TBC1D19: variants seen among roughly 807,000 people sequenced by gnomAD.
TBC1D19 encodes the protein TBC1 domain family, member 19.
In TBC1D19, 60 loss-of-function variants were observed where a neutral mutation model predicts 89.0. The observed-to-expected ratio is 0.67, with a 90% CI of 0.55 to 0.84. The LOEUF (loss-of-function observed/expected upper bound fraction) is 0.84, where lower values mean the gene tolerates loss of function less well. Among genes scored for constraint, TBC1D19 ranks in the 40% least tolerant of loss-of-function variants. The pLI, the probability that TBC1D19 is intolerant of heterozygous loss-of-function variation, is 0.00. For missense variants in TBC1D19, 500 were observed against 610.8 expected (o/e 0.82, Z 1.91); for synonymous variants, 189 against 199.7 (o/e 0.95, Z 0.45).
At chr4:26,659,984 T>C (rs1745121631) in intron 8 of TBC1D19, among the ~76,000 whole-genome samples, 2 of 152,180 alleles carry the variant, frequency 1.3e-5, no homozygotes, top group Admixed American at 1.3e-4. Context: ...GATTGAGTTG[T>C]CTGCTGGATG....
intron 4 of TBC1D19, among the ~76,000 whole-genome samples, chr4:26,624,292 A>G (rs1742248000): frequency 6.6e-6 from 1 of 152,178 alleles, no homozygotes; most frequent in Non-Finnish European, 1.5e-5. Flanking sequence ...GTTGAAAGGG[A>G]TCTCTCTCTT....
chr4:26,775,812 T>C, the TBC1D19 span, among the ~76,000 whole-genome samples: 2 of 152,132 alleles, frequency 1.3e-5, no homozygotes, highest in African/African-American at 4.8e-5. Context: ...ATTTGTCAGT[T>C]TTCAAGGCAA....
intron 13 of TBC1D19, among the ~76,000 whole-genome samples, chr4:26,691,220 T>A (rs1714252499): frequency 6.6e-6 from 1 of 152,204 alleles, no homozygotes; most frequent in African/African-American, 2.4e-5. Context: ...AGTTGCTTCT[T>A]GAGGATAAAC....
At chr4:26,695,480 C>A (rs944713210) in intron 13 of TBC1D19, among the ~76,000 whole-genome samples, 4 of 152,004 alleles carry the variant, frequency 2.6e-5, no homozygotes, top group African/African-American at 4.8e-5. Context: ...CAAGGCAGGC[C>A]AACATTCAAA....
intron 11 of TBC1D19, among the ~76,000 whole-genome samples, chr4:26,676,426 A>G (rs1248365574): frequency 6.6e-6 from 1 of 152,234 alleles, no homozygotes; most frequent in Non-Finnish European, 1.5e-5. Context: ...CTTAAATGGA[A>G]GAAATGTCAG....
Position 26,614,411 on chromosome 4 carries a change from G to A in TBC1D19, c.176G>A (p.Trp59Ter). 1 of 1,587,570 alleles carries A rather than the reference G, an allele frequency of 6.3e-7. No individual in the cohort carries two copies. The highest frequency in any genetic ancestry group is 1.3e-5 in the African/African-American group (1 of 74,412). Residue 59 changes from tryptophan to a stop codon, truncating the protein, a stop_gained, in exon 3 of 21, where the codon TGG (tryptophan) becomes TAG (stop). Transcript: ENST00000264866. LOFTEE classifies it high-confidence loss of function. ...TTATTCTTTTTTTAAAAAACAGGTT[G>A]GGAGAAGAAACTTCAGAATGCTGTT... is the stretch of plus-strand genomic sequence containing the variant. ...DIKEFFKISGWEKKLQNAVYS... is the reference protein window; with the variant it reads ...DIKEFFKISG
chr4:26,857,497 C>G, the TBC1D19 span, among the ~76,000 whole-genome samples: 1 of 152,262 alleles, frequency 6.6e-6, no homozygotes, highest in Non-Finnish European at 1.5e-5. Context: ...ACTACCGCCC[C>G]ACGTCCACCA....
At chr4:26,736,126 G>A (rs1343626393) in intron 16 of TBC1D19, among the ~76,000 whole-genome samples, 1 of 35,118 alleles carries the variant, frequency 2.8e-5, no homozygotes, top group Non-Finnish European at 1.9e-4. Context: ...ATTCACAATA[G>A]CAAAGACTTG....
chr4:26,626,561 G>A (rs948707073), intron 4 of TBC1D19, among the ~76,000 whole-genome samples: 1 of 152,062 alleles, frequency 6.6e-6, no homozygotes, highest in Non-Finnish European at 1.5e-5. Flanking sequence ...TTTGAACCTG[G>A]TCAGCCTGGC....
Position 26,721,604 on chromosome 4 carries a change from T to C in TBC1D19, c.1084+1479T>C, listed in dbSNP as rs1716980307. 2.6e-5 allele frequency among the ~76,000 whole-genome samples: 4 copies of C among 152,142 alleles called. 1 individual carries two copies. In the South Asian group the frequency reaches 8.3e-4, roughly 31 times the overall value. ...GCTCATTTGAGTTATACATCTAAAG[T>C]GAAAATCTGCAAATTGCCATTTTTC... On this transcript the variant is annotated intron_variant, in intron 15 of 20. Transcript: ENST00000264866.
intron 7 of TBC1D19, among the ~76,000 whole-genome samples, chr4:26,642,626 C>G (rs1743624135): frequency 6.6e-6 from 1 of 152,166 alleles, no homozygotes; most frequent in African/African-American, 2.4e-5. Context: ...TTAAAAGACA[C>G]AGACTGGCAA....
intron 10 of TBC1D19, 59 bp from the exon 11 acceptor site, chr4:26,673,717 T>G: frequency 9.4e-7 from 1 of 1,062,302 alleles, no homozygotes; most frequent in Non-Finnish European, 1.4e-6. Flanking sequence ...AATTGAAGAT[T>G]TCAGTGATGT....
the TBC1D19 span, among the ~76,000 whole-genome samples, chr4:26,765,574 G>A: frequency 0.86 from 130,944 of 151,988 alleles, 59,581 homozygotes; most frequent in Non-Finnish European, 1. Context: ...GATAAGGAGT[G>A]GAATAAACGG....
At chr4:26,611,537 C>T (rs1401305498) in intron 1 of TBC1D19, among the ~76,000 whole-genome samples, 1 of 152,092 alleles carries the variant, frequency 6.6e-6, no homozygotes, top group African/African-American at 2.4e-5. Context: ...CTGACAATAG[C>T]AGTAGAGTGT....
intron 19 of TBC1D19, among the ~76,000 whole-genome samples, chr4:26,750,328 C>T (rs944570979): frequency 1.3e-5 from 2 of 152,102 alleles, no homozygotes; most frequent in East Asian, 3.8e-4. Context: ...CTTTCTGTAT[C>T]ATTTTAAAGA....
chr4:26,638,711 A>G, intron 5 of TBC1D19, 60 bp from the exon 6 acceptor site: 1 of 1,252,104 alleles, frequency 8.0e-7, no homozygotes, highest in Admixed American at 2.0e-5. Context: ...TCTTGTTTTT[A>G]GTTGTATTGC....
chr4:26,847,135 T>C, the TBC1D19 span, among the ~76,000 whole-genome samples: 3 of 152,190 alleles, frequency 2.0e-5, no homozygotes, highest in Non-Finnish European at 4.4e-5. Flanking sequence ...ATCCACCAAA[T>C]AGTAACTGAA....
At chr4:26,674,699 T>C (rs547687712) in intron 11 of TBC1D19, among the ~76,000 whole-genome samples, 1 of 152,156 alleles carries the variant, frequency 6.6e-6, no homozygotes, top group Non-Finnish European at 1.5e-5. Context: ...TAGGTAATAA[T>C]ATTTATATCA....
chr4:26,580,726 A>T (rs959136915), upstream of TBC1D19, among the ~76,000 whole-genome samples: 6 of 152,260 alleles, frequency 3.9e-5, no homozygotes, highest in Non-Finnish European at 8.8e-5. Flanking sequence ...TTTTCACTGC[A>T]GATGGTACAG....
Sources: allele counts gnomAD v4.1 joint callset (sites outside exome capture counted in the v4.1 genomes callset), GRCh38; gene constraint gnomAD v4.1.1; transcripts MANE v1.5; gene names NCBI Gene and HGNC (gene_info 2026-07-23, HGNC 2026-07-21).